The following USP4 variants were observed in gnomAD, a reference collection of about 807,000 sequenced individuals.
USP4 encodes the protein ubiquitin carboxyl-terminal hydrolase 4.
In USP4, 72 loss-of-function variants were observed where a neutral mutation model predicts 118.2. The ratio of observed to expected loss-of-function variants is 0.61; its 90% CI spans 0.50 to 0.74. The LOEUF is 0.74. Among genes scored for constraint, USP4 ranks in the 30% least tolerant of loss-of-function variants. USP4 has a pLI of 0.00. For missense variants in USP4, 1,037 were observed against 1,185.7 expected (o/e 0.87, Z 1.84); for synonymous variants, 415 against 440.4 (o/e 0.94, Z 0.72).
At chr3:49,311,441 C>G in intron 7 of USP4, 73 bp downstream of exon 7, 2 of 1,538,932 alleles carry the variant, frequency 1.3e-6, no homozygotes, top group Non-Finnish European at 1.8e-6. Context: ...AGTGGAGCAG[C>G]AGATGAGCTC....
chr3:49,331,051 G>A (rs1559481329), intron 2 of USP4, among the ~76,000 whole-genome samples: 1 of 151,868 alleles, frequency 6.6e-6, no homozygotes, highest in Non-Finnish European at 1.5e-5. Context: ...GCCGGGCGTG[G>A]TGGCTCACAC....
At chr3:49,310,811 C>T in intron 7 of USP4, 74 bp from the exon 8 acceptor site, 1 of 1,152,172 alleles carries the variant, frequency 8.7e-7, no homozygotes, top group Non-Finnish European at 1.3e-6. Context: ...TTTGAGGCTC[C>T]TATGGGGGCC....
intron 6 of USP4, among the ~76,000 whole-genome samples, chr3:49,320,162 C>A (rs1174229568): frequency 6.6e-6 from 1 of 152,170 alleles, no homozygotes; most frequent in Admixed American, 6.6e-5. Flanking sequence ...CTCAAGCAAT[C>A]CTCCCACCTC....
chr3:49,302,394 C>A lies in USP4; in HGVS notation c.1277G>T (p.Arg426Leu). 1 of 1,613,262 alleles carries A rather than the reference C, an allele frequency of 6.2e-7. No homozygotes were observed. The highest frequency in any genetic ancestry group is 8.5e-7 in the Non-Finnish European group (1 of 1,179,804). The change falls in exon 10 of 22, where the codon CGG becomes CTG. Residue 426 changes from arginine to leucine, a missense_variant. Arg to Leu is a moderately radical substitution (Grantham distance 102). Transcript: ENST00000265560. Reference protein sequence around the residue: ...PYLELKDANGRPDAVVAKEAW... With the variant: ...PYLELKDANGLPDAVVAKEAW... ...TCATTAATGGCATACCGCATCTGGCCGCCCATTGGCATCCTTCAGCTCCAA... is the reference window on the plus strand; with the variant it reads ...TCATTAATGGCATACCGCATCTGGCAGCCCATTGGCATCCTTCAGCTCCAA...
chr3:49,330,909 TCAGGAGGCTGAGG>T (rs1203364662), intron 2 of USP4, among the ~76,000 whole-genome samples: 3 of 151,278 alleles, frequency 2.0e-5, no homozygotes, highest in Admixed American at 6.6e-5. Context: ...TCCCAGCTAC[TCAGGAGGCTGAGG>T]CAGGAGAATC....
chr3:49,295,564 TGAG>T (rs921776165), intron 13 of USP4, among the ~76,000 whole-genome samples: 1 of 152,086 alleles, frequency 6.6e-6, no homozygotes, highest in Admixed American at 6.6e-5. Context: ...TACATGGGAT[TGAG>T]GAGATTTATA....
At chr3:49,330,522 A>G (rs1394923163) in intron 2 of USP4, among the ~76,000 whole-genome samples, 4 of 151,786 alleles carry the variant, frequency 2.6e-5, no homozygotes, top group South Asian at 2.1e-4. Flanking sequence ...TAATAGAGAC[A>G]GGGTTTCACC....
intron 3 of USP4, among the ~76,000 whole-genome samples, chr3:49,326,903 T>C (rs1046530163): frequency 6.6e-6 from 1 of 151,560 alleles, no homozygotes; most frequent in East Asian, 1.9e-4. Flanking sequence ...GGTTTCACCA[T>C]GTTGGCCAGG....
intron 6 of USP4, among the ~76,000 whole-genome samples, chr3:49,322,689 T>C (rs1459814972): frequency 6.6e-6 from 1 of 151,896 alleles, no homozygotes; most frequent in Non-Finnish European, 1.5e-5. Flanking sequence ...GGTAAAACCC[T>C]GTCTCTACTA....
Position 49,278,247 on chromosome 3 carries a change from G to A in USP4, c.*46C>T. On this transcript the variant is annotated 3_prime_UTR_variant, in exon 22 of 22. Coordinates refer to ENST00000265560, the MANE Select transcript of USP4 (RefSeq NM_003363.4). The stretch of plus-strand genomic sequence containing the variant: ...GCAGAGTGTCAAAGATGTTCTCCTG[G>A]GGGATTACACTGGCGCTACAGGGTG... 6.3e-7 allele frequency: 1 copy of A among 1,593,672 alleles called. No individual in the cohort carries two copies. Among genetic ancestry groups the A allele is most frequent in the Non-Finnish European group, 8.5e-7 (1 of 1,171,206 alleles).
rs191014654 is a variant in USP4, at chr3:49,326,328, T to A, written c.361-483A>T. Among the ~76,000 whole-genome samples, 337 of 151,796 alleles carry A rather than the reference T, an allele frequency of 2.2e-3. 1 individual carries two copies. The highest frequency in any genetic ancestry group is 6.6e-3 in the African/African-American group (274 of 41,420). On this transcript the variant is annotated intron_variant, in intron 3 of 21. Coordinates refer to ENST00000265560, the MANE Select transcript of USP4 (RefSeq NM_003363.4). The stretch of plus-strand genomic sequence containing the variant: ...CGAGACTCTGTACCCCGCAAAAAAA[T>A]ATATATATATTTTTTTTCTACCCAC...
rs376341715 is a variant in USP4, at chr3:49,280,434, G to A, written c.2644+310C>T. ...AAATTAGCCAGGCGTGGTGGCGGGC[G>A]CCTGTAGTCCCAGCTACTCAGGAGG... On this transcript the variant is annotated intron_variant, in intron 20 of 21. Coordinates refer to ENST00000265560, the MANE Select transcript of USP4 (RefSeq NM_003363.4). Among the ~76,000 whole-genome samples, 11 of 151,490 alleles carry A rather than the reference G, an allele frequency of 7.3e-5. No homozygotes were observed. The East Asian group carries it at 1.4e-3, about 19-fold the overall frequency.
intron 13 of USP4, among the ~76,000 whole-genome samples, chr3:49,296,689 T>C (rs2047213271): frequency 6.6e-6 from 1 of 152,244 alleles, no homozygotes; most frequent in South Asian, 2.1e-4. Context: ...CAGATGCTAC[T>C]ATTGCTTTCA....
chr3:49,318,398 C>T, intron 6 of USP4: 1 of 985,520 alleles, frequency 1.0e-6, no homozygotes, highest in Non-Finnish European at 1.2e-6. Context: ...CCAATCTCTT[C>T]TGGCTCTGGG....
rs2047090309 is a variant in USP4, at chr3:49,286,305, C to T, written c.1993G>A (p.Glu665Lys). ...SCEGEDEEEM[E>K]HQEEGKEQLS... ...TGCTCTTTGCCTTCTTCCTGATGCT[C>T]CATTTCTTCCTCATCTTCTCCTGGC... is the stretch of plus-strand genomic sequence containing the variant. The change falls in exon 16 of 22, where the codon GAG becomes AAG. Residue 665 changes from glutamate (E) to lysine (K), a missense_variant. Transcript: ENST00000265560. 1 of 1,613,954 alleles carries T rather than the reference C, an allele frequency of 6.2e-7. No individual in the cohort carries two copies. Among genetic ancestry groups the T allele is most frequent in the African/African-American group, 1.3e-5 (1 of 74,884 alleles).
intron 19 of USP4, 70 bp from the exon 20 acceptor site, chr3:49,280,917 C>G: frequency 1.5e-6 from 2 of 1,320,476 alleles, no homozygotes; most frequent in East Asian, 2.4e-5. Flanking sequence ...AGTAACCCAG[C>G]AACCTCTGTT....
chr3:49,321,942 C>T (rs549984809), intron 6 of USP4, among the ~76,000 whole-genome samples: 88 of 152,072 alleles, frequency 5.8e-4, no homozygotes, highest in Non-Finnish European at 1.1e-3. Flanking sequence ...TACAGTGAAC[C>T]GAGATCATGC....
intron 13 of USP4, among the ~76,000 whole-genome samples, chr3:49,296,655 T>A (rs61687893): frequency 3.3e-5 from 5 of 152,162 alleles, no homozygotes; most frequent in African/African-American, 7.2e-5. Context: ...TCTAAAAAAA[T>A]AAAATAAAAT....
rs981199024 is a variant in USP4, at chr3:49,294,696, G to A, written c.1692-98C>T. The A allele has an allele frequency of 7.7e-6, 9 of 1,170,220 alleles. No homozygotes were observed. In the African/African-American group the frequency reaches 1.2e-4, roughly 16 times the overall value. The allele number at this position is 1,170,220 out of a possible 1,614,324, so 72.5% of individuals were successfully genotyped here. ...TGTGGTGGCCAGGGCTATGATTACT[G>A]GGACAGAGCATATTTGAGTAGAAAA... On this transcript the variant is annotated intron_variant, in intron 13 of 21. Transcript: ENST00000265560.
Sources: gnomAD v4.1 joint callset for allele counts (sites outside exome capture counted in the v4.1 genomes callset) on GRCh38, gnomAD v4.1.1 for gene constraint, MANE v1.5 for transcripts, NCBI Gene and HGNC (gene_info 2026-07-23, HGNC 2026-07-21) for gene names.